Variants in SLC5A11 observed in about 807,000 individuals in gnomAD.
SLC5A11 encodes solute carrier family 5 member 11.
A neutral mutation model predicts 69.8 loss-of-function variants in SLC5A11; 48 were observed. That is an observed-to-expected ratio of 0.69 (90% CI 0.55 to 0.87). The LOEUF is 0.87. Among genes scored for constraint, SLC5A11 ranks in the 40% least tolerant of loss-of-function variants. The pLI is 0.00. For missense variants in SLC5A11, 784 were observed against 866.1 expected (o/e 0.91, Z 1.19); for synonymous variants, 319 against 342.4 (o/e 0.93, Z 0.75).
intron 8 of SLC5A11, among the ~76,000 whole-genome samples, chr16:24,886,036 CTTTT>C (rs35828435): frequency 2.2e-5 from 3 of 139,030 alleles, no homozygotes. Flanking sequence ...AATAGGAGTT[CTTTT>C]TTTTTTTTTT....
At chr16:24,900,918 TAA>T (rs57145899) in intron 10 of SLC5A11, among the ~76,000 whole-genome samples, 1,232 of 116,532 alleles carry the variant, frequency 0.011, 22 homozygotes, top group African/African-American at 0.034. Context: ...ACCCTATCTC[TAA>T]AAAAAAAAAA....
intron 3 of SLC5A11, among the ~76,000 whole-genome samples, chr16:24,869,578 C>T (rs1051690774): frequency 2.6e-5 from 4 of 152,100 alleles, no homozygotes; most frequent in African/African-American, 4.8e-5. Flanking sequence ...CCTTCTTTCC[C>T]GACCCCCGAC....
At chr16:24,880,252 A>G (rs2047950629) in intron 7 of SLC5A11, among the ~76,000 whole-genome samples, 1 of 152,244 alleles carries the variant, frequency 6.6e-6, no homozygotes, top group Non-Finnish European at 1.5e-5. Context: ...ACTTACAGTC[A>G]TGGTGGAAGG....
chr16:24,872,155 A>G lies in SLC5A11; in HGVS notation c.313-5A>G. The G allele has an allele frequency of 3.7e-6, 6 of 1,614,072 alleles. No homozygotes were observed. Among genetic ancestry groups the G allele is most frequent in the East Asian group, 2.2e-5 (1 of 44,872 alleles). ...GCCAAGTCCTGACTGTGTTTTCTTG[A>G]GCAGGGCTTGTTTTCTGTGCTGATG... On this transcript the variant is annotated splice_polypyrimidine_tract_variant and splice_region_variant and intron_variant, in intron 4 of 15. Coordinates refer to ENST00000347898, the Ensembl canonical transcript of SLC5A11.
At chr16:24,861,741 AAG>A (rs1162708104) in intron 2 of SLC5A11, among the ~76,000 whole-genome samples, 1 of 143,584 alleles carries the variant, frequency 7.0e-6, no homozygotes, top group Non-Finnish European at 1.6e-5. Flanking sequence ...AAGAAAAAGA[AAG>A]AAAGAAAAAG....
chr16:24,905,993 C>T (rs182136863), intron 10 of SLC5A11, among the ~76,000 whole-genome samples: 196 of 152,216 alleles, frequency 1.3e-3, no homozygotes, highest in Admixed American at 5.8e-3. Flanking sequence ...GGGCTAGAGG[C>T]ATCTTATTTC....
chr16:24,890,630 C>A (rs1306825749), intron 8 of SLC5A11, among the ~76,000 whole-genome samples: 1 of 151,762 alleles, frequency 6.6e-6, no homozygotes, highest in African/African-American at 2.4e-5. Flanking sequence ...ATGTCAAACA[C>A]CAAATTTTAC....
At chr16:24,898,067 A>G (rs527610147) in exon 10 of SLC5A11, 1 of 1,614,156 alleles carries the variant, frequency 6.2e-7, no homozygotes, top group Non-Finnish European at 8.5e-7. Flanking sequence ...GCCCCTCTTC[A>G]TAATGGTGTT....
At chr16:24,872,162 C>T (rs982259647) in exon 5 of SLC5A11, 7 of 1,614,146 alleles carry the variant, frequency 4.3e-6, no homozygotes, top group Admixed American at 3.3e-5. Context: ...TTGAGCAGGG[C>T]TTGTTTTCTG....
At chr16:24,846,904 C>T (rs899009592) in intron 1 of SLC5A11, among the ~76,000 whole-genome samples, 4 of 152,212 alleles carry the variant, frequency 2.6e-5, no homozygotes, top group East Asian at 3.8e-4. Context: ...TTCACTGGTA[C>T]GTGTCAGACA....
intron 1 of SLC5A11, among the ~76,000 whole-genome samples, chr16:24,858,205 G>A (rs140405491): frequency 2.5e-3 from 388 of 152,294 alleles, no homozygotes; most frequent in Non-Finnish European, 4.6e-3. Flanking sequence ...CAAGATTATG[G>A]TGTCTGGCTG....
At chr16:24,902,933 T>G (rs747120029) in intron 10 of SLC5A11, among the ~76,000 whole-genome samples, 46 of 152,176 alleles carry the variant, frequency 3.0e-4, no homozygotes, top group Non-Finnish European at 5.6e-4. Flanking sequence ...AAAAATAACA[T>G]AAACTATATA....
intron 8 of SLC5A11, among the ~76,000 whole-genome samples, chr16:24,884,981 AATC>A (rs1229915215): frequency 6.6e-6 from 1 of 152,072 alleles, no homozygotes; most frequent in Non-Finnish European, 1.5e-5. Context: ...GGGCTCAAGC[AATC>A]ACCTGCCTCG....
chr16:24,887,962 A>C (rs1304407787), intron 8 of SLC5A11, among the ~76,000 whole-genome samples: 2 of 152,170 alleles, frequency 1.3e-5, no homozygotes, highest in African/African-American at 4.8e-5. Flanking sequence ...ACAAAGCAGA[A>C]GCTGTTATAG....
At chr16:24,858,658 C>A (rs765732364) in exon 2 of SLC5A11, 2 of 1,609,948 alleles carry the variant, frequency 1.2e-6, no homozygotes, top group Admixed American at 3.3e-5. Flanking sequence ...AGAGCGGCAC[C>A]AGCAGCCCTC....
intron 1 of SLC5A11, among the ~76,000 whole-genome samples, chr16:24,853,075 G>A (rs535074671): frequency 1.3e-5 from 2 of 151,544 alleles, no homozygotes; most frequent in Non-Finnish European, 2.9e-5. Context: ...CCAGGGTCTA[G>A]CACAGAGCAT....
At chr16:24,888,783 C>CCCATATCTA (rs2048570752) in intron 8 of SLC5A11, among the ~76,000 whole-genome samples, 1 of 45,740 alleles carries the variant, frequency 2.2e-5, no homozygotes, top group African/African-American at 7.7e-5. Flanking sequence ...CGTGCCTGTC[C>CCCATATCTA]TTTTTTTTTT....
chr16:24,898,848 A>C (rs2152394901), intron 10 of SLC5A11, among the ~76,000 whole-genome samples: 2 of 150,894 alleles, frequency 1.3e-5, no homozygotes, highest in South Asian at 4.2e-4. Context: ...ACAGGGTCTC[A>C]CTTTGTCACC....
At chr16:24,895,530 GAGGAGAGGAAAGAAGAA>G (rs1258074115) in intron 9 of SLC5A11, among the ~76,000 whole-genome samples, 1 of 147,644 alleles carries the variant, frequency 6.8e-6, no homozygotes, top group Non-Finnish European at 1.5e-5. Flanking sequence ...TAGGAAAGGA[GAGGAGAGGAAAGAAGAA>G]AGGAGAGGAC....
Sources: allele counts gnomAD v4.1 joint callset (sites outside exome capture counted in the v4.1 genomes callset), GRCh38; gene constraint gnomAD v4.1.1; transcripts MANE v1.5; gene names NCBI Gene and HGNC (gene_info 2026-07-23, HGNC 2026-07-21).